ZDHHC9: variants seen among roughly 807,000 people sequenced by gnomAD.
ZDHHC9 encodes zDHHC palmitoyltransferase 9.
A neutral mutation model predicts 26.6 loss-of-function variants in ZDHHC9; 3 were observed. That is an observed-to-expected ratio of 0.11 (90% CI 0.05 to 0.29). The LOEUF (loss-of-function observed/expected upper bound fraction) is 0.29, where lower values mean the gene tolerates loss of function less well. ZDHHC9 is among the 10% of genes least tolerant of loss of function. ZDHHC9 has a pLI of 1.00. For missense variants in ZDHHC9, 146 were observed against 296.4 expected (o/e 0.49, Z 3.73); for synonymous variants, 111 against 109.4 (o/e 1.01, Z -0.09).
intron 4 of ZDHHC9, among the ~76,000 whole-genome samples, chrX:129,828,245 A>G (rs955944129): frequency 2.7e-5 from 3 of 111,990 alleles, no homozygotes; most frequent in Non-Finnish European, 3.8e-5. Flanking sequence ...GAAGGTTTAC[A>G]GCTTTCATCA....
intron 4 of ZDHHC9, among the ~76,000 whole-genome samples, chrX:129,824,443 C>T (rs1001688169): frequency 9.0e-6 from 1 of 110,939 alleles, no homozygotes; most frequent in South Asian, 3.9e-4. Context: ...GGGCCCACCA[C>T]CATGCCTGGC....
chrX:129,811,403 C>T lies in ZDHHC9; in HGVS notation c.881+3G>A, dbSNP rs775743190. The T allele has an allele frequency of 2.9e-5, 35 of 1,203,657 alleles. No individual in the cohort carries two copies. Among genetic ancestry groups the T allele is most frequent in the Non-Finnish European group, 3.9e-5 (35 of 890,849 alleles). ...TCCCAGGACTTTTGAGTGCCCTGAG[C>T]ACCTGGGGGGCAAGGGGCCACACAG... On this transcript the variant is annotated splice_donor_region_variant and intron_variant, in intron 9 of 10. Coordinates refer to ENST00000357166, the MANE Select transcript of ZDHHC9 (RefSeq NM_016032.4).
chrX:129,830,929 T>C (rs1478798115), intron 3 of ZDHHC9, among the ~76,000 whole-genome samples: 1 of 111,427 alleles, frequency 9.0e-6, no homozygotes, highest in Admixed American at 9.6e-5. Flanking sequence ...TTCGTGACTT[T>C]TGTGTTTGCT....
intron 4 of ZDHHC9, 26 bp from the exon 5 acceptor site, chrX:129,823,863 A>G: frequency 2.5e-6 from 3 of 1,200,654 alleles, no homozygotes; most frequent in Non-Finnish European, 3.4e-6. Flanking sequence ...GACAGTTAAT[A>G]TCACAGCTAG....
chrX:129,814,928 T>TG, intron 5 of ZDHHC9, 133 bp from the exon 6 acceptor site: 1 of 763,996 alleles, frequency 1.3e-6, no homozygotes, highest in Non-Finnish European at 1.9e-6. Context: ...AGGGTTTTTT[T>TG]TTTTTTTTAC....
At chrX:129,814,161 C>G (rs1022028589) in intron 6 of ZDHHC9, among the ~76,000 whole-genome samples, 2 of 112,203 alleles carry the variant, frequency 1.8e-5, no homozygotes, top group Non-Finnish European at 3.8e-5. Flanking sequence ...CTCCACATCA[C>G]ATCTGCTCTT....
chrX:129,818,922 C>T (rs1242815162), intron 5 of ZDHHC9, among the ~76,000 whole-genome samples: 6 of 110,830 alleles, frequency 5.4e-5, no homozygotes, highest in African/African-American at 2.0e-4. Flanking sequence ...CCAGTAATCC[C>T]AGCACTTTGG....
intron 5 of ZDHHC9, among the ~76,000 whole-genome samples, chrX:129,820,952 G>C (rs1207364189): frequency 9.1e-6 from 1 of 110,271 alleles, no homozygotes; most frequent in Admixed American, 9.7e-5. Context: ...AACAGGCCCC[G>C]GTGTGTGTTG....
chrX:129,829,386 C>T, intron 3 of ZDHHC9, among the ~76,000 whole-genome samples: 1 of 111,507 alleles, frequency 9.0e-6, no homozygotes, highest in Non-Finnish European at 1.9e-5. Flanking sequence ...ACTCTCTTAC[C>T]CCCAAGTCCA....
At chrX:129,823,619 C>A in intron 5 of ZDHHC9, 60 bp downstream of exon 5, 1 of 1,194,541 alleles carries the variant, frequency 8.4e-7, no homozygotes, top group Non-Finnish European at 1.1e-6. Flanking sequence ...TGGTGACCAC[C>A]CTGACTTTCT....
In ZDHHC9 at chrX:129,806,111, T is replaced by C. The variant is rs565114114; in HGVS notation, c.*259A>G. ...CAAGGGGACCCTGTGGCTGAGGCCA[T>C]GGAGAACCAGTGCCAGGGCCCAAGA... On this transcript the variant is annotated 3_prime_UTR_variant, in exon 11 of 11. Coordinates refer to ENST00000357166, the MANE Select transcript of ZDHHC9 (RefSeq NM_016032.4). 7.1e-4 allele frequency: 266 copies of C among 373,829 alleles called. No individual in the cohort carries two copies. Among genetic ancestry groups the C allele is most frequent in the Admixed American group, 1.9e-3 (43 of 23,077 alleles). 30.8% of individuals were successfully genotyped at this position (373,829 alleles called of 1,213,427 possible).
At chrX:129,818,720 A>G (rs1332208746) in intron 5 of ZDHHC9, among the ~76,000 whole-genome samples, 2 of 112,320 alleles carry the variant, frequency 1.8e-5, no homozygotes, top group Admixed American at 1.9e-4. Context: ...ATTAAAAACT[A>G]TCATGTTACA....
chrX:129,806,549 A>G, intron 10 of ZDHHC9, 63 bp from the exon 11 acceptor site: 1 of 991,877 alleles, frequency 1.0e-6, no homozygotes, highest in Non-Finnish European at 1.4e-6. Flanking sequence ...ATGCAGATAA[A>G]CCTTAGACAC....
chrX:129,822,226 G>A (rs781054393), intron 5 of ZDHHC9, among the ~76,000 whole-genome samples: 16 of 111,131 alleles, frequency 1.4e-4, no homozygotes, highest in Admixed American at 3.8e-4. Context: ...ATGATAGACC[G>A]GATAAAGAAA....
rs371820381 is a variant in ZDHHC9, at chrX:129,810,947, G to A, written c.936C>T (p.Pro312=). 2.5e-6 allele frequency: 3 copies of A among 1,209,350 alleles called. No homozygotes were observed. Among genetic ancestry groups the A allele is most frequent in the Non-Finnish European group, 3.4e-6 (3 of 894,984 alleles). ...GGCTGCTACTGGTCTCTTGAGTACT[G>A]GGAGGTCGACTTCCACTTTCCTCCA... ...LPLEESGSRP[P]STQETSSSLL... Residue 312 remains proline (P), a synonymous_variant, in exon 10 of 11, where the codon CCC becomes CCT. Coordinates refer to ENST00000357166, the MANE Select transcript of ZDHHC9 (RefSeq NM_016032.4).
intron 10 of ZDHHC9, among the ~76,000 whole-genome samples, chrX:129,807,479 T>C (rs1277833882): frequency 6.1e-4 from 59 of 96,042 alleles, no homozygotes; most frequent in Non-Finnish European, 1.1e-3. Context: ...AAAAAAAGTA[T>C]GATTCTATTT....
At chrX:129,815,341 C>T (rs1475862622) in intron 5 of ZDHHC9, among the ~76,000 whole-genome samples, 1 of 111,911 alleles carries the variant, frequency 8.9e-6, no homozygotes, top group Non-Finnish European at 1.9e-5. Flanking sequence ...TGACAATTGG[C>T]TATTTGGTGC....
rs1383230522 is a variant in ZDHHC9 at position 129,806,234 on chromosome X, C to G, written c.*136G>C. 4 of 593,166 alleles carry G rather than the reference C, an allele frequency of 6.7e-6. No individual in the cohort carries two copies. Among genetic ancestry groups the G allele is most frequent in the Non-Finnish European group, 1.2e-5 (4 of 343,187 alleles). The allele number at this position is 593,166 out of a possible 1,213,427, so 48.9% of individuals were successfully genotyped here. On this transcript the variant is annotated 3_prime_UTR_variant, in exon 11 of 11. Transcript: ENST00000357166. The stretch of plus-strand genomic sequence containing the variant: ...CTTGCAGCAAGAAAATGCCAGTGTG[C>G]AACTGGGTGACTAAAGACCAAAGAA...
At chrX:129,832,784 A>AAAAT (rs58029912) in intron 3 of ZDHHC9, among the ~76,000 whole-genome samples, 1,636 of 100,232 alleles carry the variant, frequency 0.016, 28 homozygotes, top group East Asian at 0.1. Context: ...CTCCGTCTCA[A>AAAAT]AAATAAATAA....
Sources: allele counts gnomAD v4.1 joint callset (sites outside exome capture counted in the v4.1 genomes callset), GRCh38; gene constraint gnomAD v4.1.1; transcripts MANE v1.5; gene names NCBI Gene and HGNC (gene_info 2026-07-23, HGNC 2026-07-21).